Variants in OTC observed in about 807,000 individuals in gnomAD.
OTC encodes the protein ornithine transcarbamylase, also known as ornithine transcarbamylase, mitochondrial.
OTC carries 3 observed loss-of-function variants against 30.3 expected under a neutral mutation model. That is an observed-to-expected ratio of 0.10 (90% CI 0.05 to 0.26). The LOEUF (loss-of-function observed/expected upper bound fraction) is 0.26, where lower values mean the gene tolerates loss of function less well. OTC is among the 10% of genes least tolerant of loss of function. The pLI is 1.00. For synonymous variants in OTC, 111 were observed against 99.7 expected (o/e 1.11, Z -0.67); for missense variants, 194 against 260.3 (o/e 0.75, Z 1.75).
chrX:38,401,184 A>G, intron 4 of OTC, 91 bp from the exon 5 acceptor site: 2 of 682,735 alleles, frequency 2.9e-6, no homozygotes, highest in Non-Finnish European at 4.6e-6. Context: ...TCTATTTATT[A>G]GTATTTCTTG....
chrX:38,374,787 CATACTT>C (rs2068337705), intron 3 of OTC, among the ~76,000 whole-genome samples: 1 of 112,022 alleles, frequency 8.9e-6, no homozygotes, highest in Non-Finnish European at 1.9e-5. Flanking sequence ...CAATGGTACT[CATACTT>C]GTACTAGGCA....
At chrX:38,384,091 C>A (rs2068390196) in intron 4 of OTC, among the ~76,000 whole-genome samples, 1 of 111,955 alleles carries the variant, frequency 8.9e-6, no homozygotes, top group African/African-American at 3.2e-5. Flanking sequence ...CCTCTGAGTG[C>A]AAATGTTCAC....
At chrX:38,420,207 C>T (rs73632486) in intron 9 of OTC, among the ~76,000 whole-genome samples, 1,775 of 110,971 alleles carry the variant, frequency 0.016, 45 homozygotes, top group African/African-American at 0.055. Context: ...CCCAGTTCTG[C>T]ACTATCTGTC....
At chrX:38,356,041 ACT>A (rs773659608) in intron 1 of OTC, among the ~76,000 whole-genome samples, 743 of 65,133 alleles carry the variant, frequency 0.011, 11 homozygotes, top group Admixed American at 0.017. Flanking sequence ...ACAGAGCGAG[ACT>A]CTGTCTCAAA....
At chrX:38,351,863 C>T (rs1214643598), upstream of OTC, among the ~76,000 whole-genome samples, 4 of 111,447 alleles carry the variant, frequency 3.6e-5, no homozygotes, top group African/African-American at 1.3e-4. Flanking sequence ...CGGGTTCAAG[C>T]GACTCTCATG....
intron 4 of OTC, 58 bp from the exon 5 acceptor site, chrX:38,401,217 A>G (rs2068483553): frequency 1.1e-6 from 1 of 878,418 alleles, no homozygotes; most frequent in Admixed American, 2.3e-5. Context: ...ATCTTATATT[A>G]AATAAGGCAT....
At chrX:38,327,698 C>G in the OTC span, 3 of 347,535 alleles carry the variant, frequency 8.6e-6, no homozygotes, top group Non-Finnish European at 1.5e-5. Flanking sequence ...GAGAGGCGGC[C>G]ACGCCGCGCA....
At chrX:38,400,863 G>C (rs1037439892) in intron 4 of OTC, among the ~76,000 whole-genome samples, 1 of 112,801 alleles carries the variant, frequency 8.9e-6, no homozygotes, top group African/African-American at 3.2e-5. Context: ...GCCACACTGG[G>C]ACTTGCAATT....
the OTC span, among the ~76,000 whole-genome samples, chrX:38,333,046 T>G: frequency 9.2e-6 from 1 of 109,030 alleles, no homozygotes. Flanking sequence ...AAACCCTGTC[T>G]CTACTAAAAA....
chrX:38,342,779 G>A, the OTC span, among the ~76,000 whole-genome samples: 1 of 111,823 alleles, frequency 8.9e-6, no homozygotes, highest in African/African-American at 3.3e-5. Context: ...CATGAAAAGG[G>A]CTTGTTTCTC....
At chrX:38,368,217 G>A (rs1011629285) in intron 2 of OTC, among the ~76,000 whole-genome samples, 16 of 110,342 alleles carry the variant, frequency 1.5e-4, no homozygotes, top group African/African-American at 4.3e-4. Context: ...AAAATTAGCC[G>A]GGCATGGTGG....
chrX:38,412,793 G>A (rs1238964294), intron 9 of OTC, among the ~76,000 whole-genome samples: 8 of 111,784 alleles, frequency 7.2e-5, no homozygotes, highest in Non-Finnish European at 1.3e-4. Context: ...GACATTAAGC[G>A]GCTCCCAGAA....
At chrX:38,327,685 G>A in the OTC span, 30 of 345,562 alleles carry the variant, frequency 8.7e-5, no homozygotes, top group Non-Finnish European at 1.2e-4. Flanking sequence ...GCGGCCTGGA[G>A]CAGAGAGGCG....
At chrX:38,349,204 C>G (rs1286165108), upstream of OTC, among the ~76,000 whole-genome samples, 1 of 111,429 alleles carries the variant, frequency 9.0e-6, no homozygotes, top group Non-Finnish European at 1.9e-5. Flanking sequence ...GGAAATGAGA[C>G]AGGGAAGGGA....
At chrX:38,394,899 G>A (rs34416000) in intron 4 of OTC, among the ~76,000 whole-genome samples, 20,213 of 110,284 alleles carry the variant, frequency 0.18, 1,587 homozygotes, top group Middle Eastern at 0.26. Flanking sequence ...TTTCTGGGGG[G>A]GGGCAGGGCA....
At chrX:38,375,900 A>C (rs1166504274) in intron 3 of OTC, among the ~76,000 whole-genome samples, 1 of 111,343 alleles carries the variant, frequency 9.0e-6, no homozygotes, top group Non-Finnish European at 1.9e-5. Context: ...GGGGCACACC[A>C]ACATTCAGAA....
At chrX:38,393,040 C>T (rs1248084154) in intron 4 of OTC, among the ~76,000 whole-genome samples, 2 of 112,267 alleles carry the variant, frequency 1.8e-5, no homozygotes, top group Non-Finnish European at 3.8e-5. Context: ...CAGGCCTCAA[C>T]CCAGACCTCC....
At chrX:38,375,678 T>C (rs1455806663) in intron 3 of OTC, among the ~76,000 whole-genome samples, 4 of 111,440 alleles carry the variant, frequency 3.6e-5, no homozygotes, top group Non-Finnish European at 5.7e-5. Context: ...CGGTCTTAGA[T>C]ATATTGAGTT....
intron 3 of OTC, among the ~76,000 whole-genome samples, chrX:38,375,085 A>T (rs768087263): frequency 2.7e-5 from 3 of 112,110 alleles, no homozygotes; most frequent in Non-Finnish European, 5.6e-5. Context: ...ACTATTTGCC[A>T]GGTTTTATTC....
Sources: allele counts gnomAD v4.1 joint callset (sites outside exome capture counted in the v4.1 genomes callset), GRCh38; gene constraint gnomAD v4.1.1; transcripts MANE v1.5; gene names NCBI Gene and HGNC (gene_info 2026-07-23, HGNC 2026-07-21).